MAP2: variants seen among roughly 807,000 people sequenced by gnomAD.
MAP2 encodes the protein microtubule-associated protein 2.
In MAP2, 14 loss-of-function variants were observed where a neutral mutation model predicts 137.6. The observed-to-expected ratio is 0.10, with a 90% CI of 0.07 to 0.16. MAP2 has a LOEUF of 0.16. MAP2 is among the 10% of genes least tolerant of loss of function. The pLI, the probability that MAP2 is intolerant of heterozygous loss-of-function variation, is 1.00. For missense variants in MAP2, 2,088 were observed against 2,191.5 expected, an observed-to-expected ratio of 0.95 and a Z score of 0.94; for synonymous variants, 786 against 782.3, an observed-to-expected ratio of 1.00 and a Z score of -0.08.
At chr2:209,564,220 T>TAGA (rs2072865773) in intron 2 of MAP2, among the ~76,000 whole-genome samples, 1 of 152,214 alleles carries the variant, frequency 6.6e-6, no homozygotes, top group African/African-American at 2.4e-5. Context: ...TCTGTAAGTG[T>TAGA]AGAAGACATT....
rs1053946722 is a variant in MAP2, at chr2:209,731,858, G to T, written c.*1461G>T. 4 of 151,906 alleles carry T rather than the reference G, an allele frequency of 2.6e-5. No individual in the cohort carries two copies. Among genetic ancestry groups the T allele is most frequent in the Non-Finnish European group, 4.4e-5 (3 of 67,998 alleles). The allele number at this position is 151,906 out of a possible 1,614,324, so 9.4% of individuals were successfully genotyped here. On this transcript the variant is annotated 3_prime_UTR_variant, in exon 16 of 16. Coordinates refer to ENST00000682079, the MANE Select transcript of MAP2 (RefSeq NM_001375505.1). ...GATATCTAAATCAGTTTTTTTCCAA[G>T]ACTCCAACATTGCACTCTGTAAAGT...
At chr2:209,684,025 G>A (rs1325845761) in intron 7 of MAP2, among the ~76,000 whole-genome samples, 1 of 152,012 alleles carries the variant, frequency 6.6e-6, no homozygotes, top group African/African-American at 2.4e-5. Flanking sequence ...ACATTTACAA[G>A]GGATTTTGAT....
chr2:209,461,502 C>T (rs1229047539), intron 1 of MAP2, among the ~76,000 whole-genome samples: 1 of 152,000 alleles, frequency 6.6e-6, no homozygotes, highest in Admixed American at 6.5e-5. Context: ...ATTGCCCAGA[C>T]TGCAGTGCAA....
chr2:209,625,037 T>A lies in MAP2; in HGVS notation c.-106-16T>A, dbSNP rs1252067029. On this transcript the variant is annotated splice_polypyrimidine_tract_variant and intron_variant, in intron 3 of 15. Transcript: ENST00000682079. ...GGATCAGGGATTAAACTATTAATTT[T>A]CTATTTTTTTAACAGAAAGAAGCCA... 1 of 152,158 alleles carries A rather than the reference T, an allele frequency of 6.6e-6. No homozygotes were observed. The highest frequency in any genetic ancestry group is 2.4e-5 in the African/African-American group (1 of 41,438). 9.4% of individuals were successfully genotyped at this position (152,158 alleles called of 1,614,324 possible).
chr2:209,688,736 A>C (rs554592222), intron 7 of MAP2, among the ~76,000 whole-genome samples: 1 of 152,210 alleles, frequency 6.6e-6, no homozygotes, highest in African/African-American at 2.4e-5. Context: ...TTTGGTAAAG[A>C]AAAAAAAGGT....
Position 209,510,564 on chromosome 2 carries a change from T to C in MAP2, c.-172+2923T>C, listed in dbSNP as rs564337514. On this transcript the variant is annotated intron_variant, in intron 2 of 15. Coordinates refer to ENST00000682079, the MANE Select transcript of MAP2 (RefSeq NM_001375505.1). The stretch of plus-strand genomic sequence containing the variant: ...TATATACCAATATACACTTCACTGG[T>C]AGCAGAAGCAGTCTGAGATTTGCAA... 1.1e-4 allele frequency among the ~76,000 whole-genome samples: 16 copies of C among 152,192 alleles called. No individual in the cohort carries two copies. In the South Asian group the frequency reaches 2.5e-3, roughly 24 times the overall value.
chr2:209,614,949 A>G (rs181341484), intron 3 of MAP2, among the ~76,000 whole-genome samples: 1 of 152,280 alleles, frequency 6.6e-6, no homozygotes, highest in East Asian at 1.9e-4. Flanking sequence ...TTAGCTTTTC[A>G]TGCTAAAAGT....
intron 1 of MAP2, among the ~76,000 whole-genome samples, chr2:209,459,083 T>C (rs1204982021): frequency 6.6e-6 from 1 of 152,230 alleles, no homozygotes; most frequent in African/African-American, 2.4e-5. Context: ...ATTTTAATTT[T>C]TTCCCTAGTA....
intron 1 of MAP2, among the ~76,000 whole-genome samples, chr2:209,491,600 G>T (rs1478613109): frequency 1.3e-5 from 2 of 152,074 alleles, no homozygotes; most frequent in East Asian, 3.9e-4. Flanking sequence ...AATAAAAATT[G>T]ATAAAAGGGA....
At chr2:209,716,140 T>C (rs1355195166) in intron 13 of MAP2, among the ~76,000 whole-genome samples, 1 of 152,230 alleles carries the variant, frequency 6.6e-6, no homozygotes, top group Non-Finnish European at 1.5e-5. Flanking sequence ...AACCAAACTT[T>C]CTCACCACAT....
At chr2:209,606,067 C>T (rs979667798) in intron 3 of MAP2, among the ~76,000 whole-genome samples, 1 of 150,546 alleles carries the variant, frequency 6.6e-6, no homozygotes, top group East Asian at 1.9e-4. Flanking sequence ...ACTATGTTCA[C>T]GTTATGATGG....
chr2:209,454,369 C>G (rs1459683219), intron 1 of MAP2, among the ~76,000 whole-genome samples: 1 of 152,074 alleles, frequency 6.6e-6, no homozygotes, highest in Non-Finnish European at 1.5e-5. Flanking sequence ...GAGTCTCGCT[C>G]TGTCACCCAG....
intron 2 of MAP2, chr2:209,579,301 G>C (rs2153393247): frequency 6.6e-6 from 1 of 151,770 alleles, no homozygotes; most frequent in Admixed American, 6.6e-5. Flanking sequence ...GTGTGTGTCT[G>C]GCATTAACAC....
chr2:209,581,635 G>C (rs1313616917), intron 3 of MAP2, among the ~76,000 whole-genome samples: 1 of 152,064 alleles, frequency 6.6e-6, no homozygotes, highest in African/African-American at 2.4e-5. Context: ...TAAATCCAGA[G>C]AGCATATATT....
At chr2:209,528,375 T>C (rs1400362091) in intron 2 of MAP2, among the ~76,000 whole-genome samples, 9 of 152,224 alleles carry the variant, frequency 5.9e-5, no homozygotes, top group Admixed American at 5.9e-4. Flanking sequence ...TTGGAAATTC[T>C]ATGTAATTCT....
At chr2:209,569,074 T>C (rs1285528054) in intron 2 of MAP2, among the ~76,000 whole-genome samples, 2 of 151,642 alleles carry the variant, frequency 1.3e-5, no homozygotes, top group Admixed American at 1.3e-4. Context: ...TTTGTAGAAA[T>C]AAAAAAATAA....
intron 2 of MAP2, among the ~76,000 whole-genome samples, chr2:209,535,448 A>G (rs914940590): frequency 1.3e-5 from 2 of 152,046 alleles, no homozygotes; most frequent in African/African-American, 4.8e-5. Context: ...ACTTTTCACT[A>G]CTTCAGAGAT....
At chr2:209,481,190 G>C (rs1708670821) in intron 1 of MAP2, among the ~76,000 whole-genome samples, 1 of 152,184 alleles carries the variant, frequency 6.6e-6, no homozygotes. Context: ...GGAAGGGAAG[G>C]AGAAGGAAAC....
chr2:209,717,901 C>T (rs2068389183), intron 13 of MAP2, among the ~76,000 whole-genome samples: 1 of 152,102 alleles, frequency 6.6e-6, no homozygotes, highest in Admixed American at 6.5e-5. Flanking sequence ...CAAGCCATTT[C>T]TTCACATCTT....
Sources: gnomAD v4.1 joint callset for allele counts (sites outside exome capture counted in the v4.1 genomes callset) on GRCh38, gnomAD v4.1.1 for gene constraint, MANE v1.5 for transcripts, NCBI Gene and HGNC (gene_info 2026-07-23, HGNC 2026-07-21) for gene names.